Variants in KAT6B observed in about 807,000 individuals in gnomAD.
KAT6B encodes histone acetyltransferase KAT6B.
In KAT6B, 10 loss-of-function variants were observed where a neutral mutation model predicts 187.5. That is an observed-to-expected ratio of 0.05 (90% CI 0.03 to 0.09). The LOEUF (loss-of-function observed/expected upper bound fraction) is 0.09, where lower values mean the gene tolerates loss of function less well. Among genes scored for constraint, KAT6B ranks in the 10% least tolerant of loss-of-function variants. KAT6B has a pLI of 1.00. For synonymous variants in KAT6B, 861 were observed against 926.8 expected (o/e 0.93, Z 1.29); for missense variants, 1,952 against 2,558.9 (o/e 0.76, Z 5.12).
chr10:74,991,659 A>G (rs1843130208), intron 13 of KAT6B, among the ~76,000 whole-genome samples: 1 of 152,194 alleles, frequency 6.6e-6, no homozygotes, highest in African/African-American at 2.4e-5. Flanking sequence ...TACACCTAGC[A>G]TTGCCCCTAC....
rs141930257 is a variant in KAT6B at position 74,975,805 on chromosome 10, C to T, written c.1468C>T (p.Pro490Ser). 1,261 of 1,614,074 alleles carry T rather than the reference C, an allele frequency of 7.8e-4. 2 individuals are homozygous for T. Among genetic ancestry groups the T allele is most frequent in the Non-Finnish European group, 9.8e-4 (1,160 of 1,180,044 alleles). ...AGGTACCACACAAAAGCTAAAACCTCCACCTTCTTCACTTCCACCCCCAAC... is the reference window on the plus strand; with the variant it reads ...AGGTACCACACAAAAGCTAAAACCTTCACCTTCTTCACTTCCACCCCCAAC... Reference protein sequence around the residue: ...ATGTTQKLKPPPSSLPPPTPI... With the variant: ...ATGTTQKLKPSPSSLPPPTPI... The change falls in exon 8 of 18, where the codon CCA becomes TCA. Residue 490 changes from proline to serine, a missense_variant. Physicochemically the swap from Pro to Ser is moderately conservative, Grantham distance 74. Transcript: ENST00000287239.
intron 3 of KAT6B, among the ~76,000 whole-genome samples, chr10:74,897,818 C>T (rs566729776): frequency 1.3e-5 from 2 of 152,224 alleles, no homozygotes; most frequent in East Asian, 3.9e-4. Context: ...TAAATGAACA[C>T]TAGGAATCTA....
At chr10:75,022,288 TG>T in intron 16 of KAT6B, 57 bp downstream of exon 16, 1 of 1,582,878 alleles carries the variant, frequency 6.3e-7, no homozygotes, top group Non-Finnish European at 8.7e-7. Flanking sequence ...TATTTGTCAT[TG>T]CAGACATTCT....
intron 3 of KAT6B, among the ~76,000 whole-genome samples, chr10:74,910,212 C>T (rs893471850): frequency 3.9e-5 from 6 of 152,052 alleles, no homozygotes; most frequent in Middle Eastern, 6.8e-3. Context: ...GCAGGAGAGT[C>T]GCTTGAACCC....
chr10:74,900,720 A>C (rs1326233663), intron 3 of KAT6B, among the ~76,000 whole-genome samples: 1 of 152,234 alleles, frequency 6.6e-6, no homozygotes, highest in Non-Finnish European at 1.5e-5. Context: ...AAGAAGAGGC[A>C]TGGGTGGGAA....
intron 13 of KAT6B, among the ~76,000 whole-genome samples, chr10:75,015,527 A>C (rs1266304478): frequency 6.6e-6 from 1 of 152,240 alleles, no homozygotes; most frequent in African/African-American, 2.4e-5. Flanking sequence ...CCAGTTGGTC[A>C]GTGCTGCTCT....
chr10:74,871,558 A>G (rs1224093576), intron 3 of KAT6B, among the ~76,000 whole-genome samples: 1 of 152,200 alleles, frequency 6.6e-6, no homozygotes, highest in Non-Finnish European at 1.5e-5. Flanking sequence ...CAAGCTGGGC[A>G]TGGTGGCTAA....
At chr10:74,895,939 T>TTTG (rs754257877) in intron 3 of KAT6B, among the ~76,000 whole-genome samples, 64 of 152,224 alleles carry the variant, frequency 4.2e-4, no homozygotes, top group East Asian at 1.5e-3. Flanking sequence ...ACACTGCTTT[T>TTTG]TTGTTGTTGT....
chr10:74,943,659 G>A lies in KAT6B; in HGVS notation c.622-16311G>A, dbSNP rs915415547. The stretch of plus-strand genomic sequence containing the variant: ...TACACAAAAATATACTAAAAATGGT[G>A]TATAGACATATAAAAAACTAAAACT... On this transcript the variant is annotated intron_variant, in intron 3 of 17. Transcript: ENST00000287239. Among the ~76,000 whole-genome samples the A allele has an allele frequency of 2.6e-5, 4 of 152,166 alleles. No homozygotes were observed. The East Asian group carries it at 7.7e-4, about 29-fold the overall frequency.
chr10:75,021,772 T>C, intron 15 of KAT6B, 109 bp from the exon 16 acceptor site: 2 of 1,111,918 alleles, frequency 1.8e-6, no homozygotes, highest in Non-Finnish European at 2.7e-6. Context: ...CTTGGCTGGC[T>C]GGCTGTCCTG....
chr10:74,944,927 A>G (rs1437903005), intron 3 of KAT6B, among the ~76,000 whole-genome samples: 1 of 152,314 alleles, frequency 6.6e-6, no homozygotes, highest in Middle Eastern at 3.4e-3. Flanking sequence ...TGCAACTGGA[A>G]GTGTAAAATG....
rs764097613 is a variant in KAT6B, at chr10:75,022,060, G to A, written c.3201G>A (p.Glu1067=). 3 of 1,613,828 alleles carry A rather than the reference G, an allele frequency of 1.9e-6. No homozygotes were observed. In the East Asian group the frequency reaches 6.7e-5, roughly 36 times the overall value. ...GGCAGCTGCTGGAGCTGTCTAAAGA[G>A]AGCAGTGAAGAAGAAGAGGAGGAGG... ...ERGQLLELSK[E]SSEEEEEEED... The change falls in exon 16 of 18, where the codon GAG becomes GAA. Residue 1067 remains glutamate, a synonymous_variant. Coordinates refer to ENST00000287239, the MANE Select transcript of KAT6B (RefSeq NM_012330.4).
intron 3 of KAT6B, among the ~76,000 whole-genome samples, chr10:74,867,226 T>G (rs1024789667): frequency 6.6e-6 from 1 of 152,230 alleles, no homozygotes; most frequent in Non-Finnish European, 1.5e-5. Context: ...CGAAGCATAA[T>G]AAAGCCAATT....
At chr10:75,013,902 C>T (rs892066083) in intron 13 of KAT6B, among the ~76,000 whole-genome samples, 1 of 152,172 alleles carries the variant, frequency 6.6e-6, no homozygotes, top group African/African-American at 2.4e-5. Context: ...TCCACCCACC[C>T]ATAGAGCCTC....
intron 10 of KAT6B, among the ~76,000 whole-genome samples, chr10:74,981,365 C>T (rs1439117064): frequency 7.7e-5 from 11 of 142,094 alleles, no homozygotes; most frequent in Non-Finnish European, 1.7e-4. Context: ...CCTTTCTTTC[C>T]TTTCTTTCCT....
chr10:75,005,217 CTT>C (rs1267005706), intron 13 of KAT6B, among the ~76,000 whole-genome samples: 2 of 143,614 alleles, frequency 1.4e-5, no homozygotes, highest in Non-Finnish European at 1.5e-5. Flanking sequence ...TTTTTTTGTT[CTT>C]TTTTTTTTTT....
chr10:74,969,534 G>A (rs1277101298), intron 4 of KAT6B, 126 bp from the exon 5 acceptor site: 4 of 699,230 alleles, frequency 5.7e-6, no homozygotes, highest in African/African-American at 3.5e-5. Flanking sequence ...CTGATCTGTT[G>A]GCATTTTCAA....
At chr10:74,851,981 T>C (rs1429159989) in intron 3 of KAT6B, among the ~76,000 whole-genome samples, 1 of 152,224 alleles carries the variant, frequency 6.6e-6, no homozygotes, top group African/African-American at 2.4e-5. Flanking sequence ...CTGGGACTTT[T>C]CCAATAGCCT....
At chr10:74,929,108 T>G (rs1467899285) in intron 3 of KAT6B, among the ~76,000 whole-genome samples, 1 of 152,248 alleles carries the variant, frequency 6.6e-6, no homozygotes, top group Admixed American at 6.5e-5. Flanking sequence ...TGGGCCTCAT[T>G]GCTTATATCT....
Sources: allele counts gnomAD v4.1 joint callset (sites outside exome capture counted in the v4.1 genomes callset), GRCh38; gene constraint gnomAD v4.1.1; transcripts MANE v1.5; gene names NCBI Gene and HGNC (gene_info 2026-07-23, HGNC 2026-07-21).